The following SULF2 variants were observed in gnomAD, a reference collection of about 807,000 sequenced individuals.
SULF2 encodes extracellular sulfatase Sulf-2.
Under a neutral mutation model 107.7 loss-of-function variants are expected in SULF2, and 52 were observed. The ratio of observed to expected loss-of-function variants is 0.48; its 90% CI spans 0.39 to 0.61. The LOEUF (loss-of-function observed/expected upper bound fraction) is 0.61. SULF2 is among the 20% of genes least tolerant of loss of function. SULF2 has a pLI of 0.00. For synonymous variants in SULF2, 460 were observed against 464.3 expected, an observed-to-expected ratio of 0.99 and a Z score of 0.12; for missense variants, 993 against 1,177.3, an observed-to-expected ratio of 0.84 and a Z score of 2.29.
At chr20:47,745,438 TATATATATATATATATATACAC>T (rs1352553825) in intron 2 of SULF2, among the ~76,000 whole-genome samples, 431 of 10,674 alleles carry the variant, frequency 0.04, 42 homozygotes, top group African/African-American at 0.085. Flanking sequence ...TATATATATA[TATATATATATATATATATACAC>T]ATACACACAC....
At chr20:47,660,118 G>A (rs1026894356) in intron 18 of SULF2, among the ~76,000 whole-genome samples, 4 of 152,232 alleles carry the variant, frequency 2.6e-5, no homozygotes, top group Non-Finnish European at 5.9e-5. Context: ...AAGTTTTCCC[G>A]AGGATGTGGC....
chr20:47,772,713 G>A (rs530513786), intron 1 of SULF2, among the ~76,000 whole-genome samples: 6 of 151,902 alleles, frequency 3.9e-5, no homozygotes, highest in Admixed American at 2.0e-4. Flanking sequence ...TCTCCTGCCC[G>A]ACCCTCCTCC....
chr20:47,692,065 C>A (rs920193703), intron 4 of SULF2, among the ~76,000 whole-genome samples: 1 of 152,166 alleles, frequency 6.6e-6, no homozygotes, highest in African/African-American at 2.4e-5. Flanking sequence ...AGCACCCATA[C>A]AACTCTTCCT....
At chr20:47,757,094 G>A (rs922433456) in intron 2 of SULF2, 95 bp downstream of exon 2, 13 of 1,143,416 alleles carry the variant, frequency 1.1e-5, no homozygotes, top group Middle Eastern at 6.0e-4. Flanking sequence ...TGAGCACGAC[G>A]CATCAACACC....
intron 3 of SULF2, among the ~76,000 whole-genome samples, chr20:47,703,478 A>C (rs1395393143): frequency 6.6e-6 from 1 of 152,206 alleles, no homozygotes; most frequent in Non-Finnish European, 1.5e-5. Flanking sequence ...GCTATACAGC[A>C]ACCAGAATGG....
intron 16 of SULF2, 58 bp downstream of exon 16, chr20:47,663,392 TGGA>T: frequency 6.3e-7 from 1 of 1,598,026 alleles, no homozygotes; most frequent in Non-Finnish European, 8.5e-7. Flanking sequence ...GGTCACTAAG[TGGA>T]GAAGTTTCTT....
intron 1 of SULF2, among the ~76,000 whole-genome samples, chr20:47,764,448 C>A (rs920238274): frequency 2.0e-5 from 3 of 152,170 alleles, no homozygotes; most frequent in African/African-American, 7.2e-5. Context: ...TATTTCCCAC[C>A]CCCCCTTATA....
intron 10 of SULF2, among the ~76,000 whole-genome samples, chr20:47,672,752 A>T (rs2087519709): frequency 6.6e-6 from 1 of 152,114 alleles, no homozygotes; most frequent in Admixed American, 6.5e-5. Flanking sequence ...TGTCTTTAAG[A>T]CAAGACCCAA....
chr20:47,762,829 G>A (rs1454452863), intron 1 of SULF2, among the ~76,000 whole-genome samples: 1 of 152,208 alleles, frequency 6.6e-6, no homozygotes, highest in Non-Finnish European at 1.5e-5. Context: ...ACTCCTGGGC[G>A]GCTATCACCC....
chr20:47,689,911 G>A (rs574030052), intron 5 of SULF2: 4 of 416,292 alleles, frequency 9.6e-6, no homozygotes, highest in South Asian at 1.3e-4. Context: ...TGTATCCCAA[G>A]TTAAAAATTC....
At chr20:47,670,204 GTTTT>G (rs565415784) in intron 11 of SULF2, among the ~76,000 whole-genome samples, 4 of 151,730 alleles carry the variant, frequency 2.6e-5, no homozygotes, top group African/African-American at 9.7e-5. Flanking sequence ...GAGACTTTTT[GTTTT>G]TTTTGAGACA....
chr20:47,748,777 G>A (rs2090101936), intron 2 of SULF2, among the ~76,000 whole-genome samples: 1 of 152,214 alleles, frequency 6.6e-6, no homozygotes, highest in South Asian at 2.1e-4. Flanking sequence ...GACAGCTCTT[G>A]TGGGGTGACC....
At chr20:47,663,039 C>A (rs888693422) in intron 17 of SULF2, 31 bp downstream of exon 17, 3 of 1,613,666 alleles carry the variant, frequency 1.9e-6, no homozygotes, top group African/African-American at 2.7e-5. Flanking sequence ...GTACCCCACA[C>A]CCCCATCCCT....
Position 47,690,207 on chromosome 20 carries a change from A to C in SULF2, c.656T>G (p.Val219Gly). 2 of 1,573,818 alleles carry C rather than the reference A, an allele frequency of 1.3e-6. No homozygotes were observed. Among genetic ancestry groups the C allele is most frequent in the Non-Finnish European group, 1.7e-6 (2 of 1,156,928 alleles). The change falls in exon 5 of 21, where the codon GTC becomes GGC. Residue 219 changes from valine to glycine, a missense_variant. Coordinates refer to ENST00000688720, the MANE Select transcript of SULF2 (RefSeq NM_001387048.1). ...GCCGTGGGGGGCTGCATGGCTGATG[A>C]CCATGAGGACTGGCCTGTGCGGGTA... ...KMYPHRPVLM[V>G]ISHAAPHGPE...
chr20:47,772,663 C>G (rs11699906), intron 1 of SULF2, among the ~76,000 whole-genome samples: 15 of 151,908 alleles, frequency 9.9e-5, no homozygotes, highest in Non-Finnish European at 8.8e-5. Flanking sequence ...GGCCCTACCC[C>G]GTCTCTTATC....
intron 1 of SULF2, among the ~76,000 whole-genome samples, chr20:47,765,290 C>G (rs986303104): frequency 6.6e-6 from 1 of 151,432 alleles, no homozygotes; most frequent in Non-Finnish European, 1.5e-5. Flanking sequence ...AGAGGTGGAG[C>G]CTGCAGTGAG....
At chr20:47,677,478 C>T (rs575400049) in intron 8 of SULF2, among the ~76,000 whole-genome samples, 2 of 152,076 alleles carry the variant, frequency 1.3e-5, no homozygotes, top group Non-Finnish European at 2.9e-5. Flanking sequence ...GCAACTCCCC[C>T]GGCACTAGAC....
At chr20:47,722,159 G>A (rs897156649) in intron 3 of SULF2, among the ~76,000 whole-genome samples, 1 of 152,174 alleles carries the variant, frequency 6.6e-6, no homozygotes, top group Non-Finnish European at 1.5e-5. Context: ...AACTAATTTC[G>A]ATTATGTTTC....
chr20:47,763,760 T>A (rs1025687978), intron 1 of SULF2, among the ~76,000 whole-genome samples: 1 of 152,190 alleles, frequency 6.6e-6, no homozygotes, highest in African/African-American at 2.4e-5. Context: ...GATAGGAGAA[T>A]CCTGCCTGGA....
Sources: gnomAD v4.1 joint callset for allele counts (sites outside exome capture counted in the v4.1 genomes callset) on GRCh38, gnomAD v4.1.1 for gene constraint, MANE v1.5 for transcripts, NCBI Gene and HGNC (gene_info 2026-07-23, HGNC 2026-07-21) for gene names.